MIS18A: variants seen among roughly 807,000 people sequenced by gnomAD.
MIS18A encodes the protein MIS18 kinetochore protein A, also known as protein Mis18-alpha.
MIS18A carries 14 observed loss-of-function variants against 25.0 expected under a neutral mutation model. The observed-to-expected ratio is 0.56, with a 90% CI of 0.37 to 0.88. The LOEUF is 0.88. MIS18A is among the 40% of genes least tolerant of loss of function. The pLI, the probability that MIS18A is intolerant of heterozygous loss-of-function variation, is 0.00. For synonymous variants in MIS18A, 134 were observed against 118.6 expected (o/e 1.13, Z -0.84); for missense variants, 292 against 290.8 (o/e 1.00, Z -0.03).
chr21:32,197,787 A>C, the MIS18A span: 22,829 of 152,140 alleles, frequency 0.15, 1,819 homozygotes, highest in East Asian at 0.24. Context: ...GAATTCTAGG[A>C]GGGCTCATTC....
At chr21:32,170,145 A>C in the MIS18A span, among the ~76,000 whole-genome samples, 3,737 of 152,200 alleles carry the variant, frequency 0.025, 188 homozygotes, top group African/African-American at 0.085. Context: ...CATCTCACCA[A>C]AAAGAAAATT....
At chr21:32,224,122 A>G in the MIS18A span, among the ~76,000 whole-genome samples, 1 of 151,888 alleles carries the variant, frequency 6.6e-6, no homozygotes, top group Non-Finnish European at 1.5e-5. Context: ...TTGATGGGAC[A>G]TATTTCAAAA....
chr21:32,252,242 G>GAGC, the MIS18A span, among the ~76,000 whole-genome samples: 1 of 37,544 alleles, frequency 2.7e-5, no homozygotes, highest in Non-Finnish European at 7.3e-5. Context: ...GAAGAAGAAG[G>GAGC]AGGAGGAGGA....
At chr21:32,205,930 C>G in the MIS18A span, among the ~76,000 whole-genome samples, 6 of 117,884 alleles carry the variant, frequency 5.1e-5, 1 homozygote, top group African/African-American at 1.1e-4. Flanking sequence ...TTTGAGAGAC[C>G]CCCCCCATTC....
At chr21:32,178,055 A>G in the MIS18A span, among the ~76,000 whole-genome samples, 2 of 151,952 alleles carry the variant, frequency 1.3e-5, no homozygotes, top group African/African-American at 4.8e-5. Context: ...GCTAGCTGAG[A>G]TCACATGAGC....
At chr21:32,192,762 A>C in the MIS18A span, among the ~76,000 whole-genome samples, 8 of 152,214 alleles carry the variant, frequency 5.3e-5, no homozygotes, top group South Asian at 8.3e-4. Context: ...AATCCAAACA[A>C]CCAAGCGTGG....
At chr21:32,258,530 C>G in the MIS18A span, among the ~76,000 whole-genome samples, 1 of 152,120 alleles carries the variant, frequency 6.6e-6, no homozygotes, top group Non-Finnish European at 1.5e-5. Context: ...TGAAATGCGG[C>G]CCCTTGTGGC....
the MIS18A span, among the ~76,000 whole-genome samples, chr21:32,240,991 C>A: frequency 6.6e-6 from 1 of 152,176 alleles, no homozygotes; most frequent in African/African-American, 2.4e-5. Flanking sequence ...AGAAATTTCT[C>A]TTTAAAGAAA....
the MIS18A span, among the ~76,000 whole-genome samples, chr21:32,161,913 AC>A: frequency 2.6e-5 from 4 of 151,970 alleles, no homozygotes; most frequent in Non-Finnish European, 5.9e-5. Context: ...CTAGGATAGA[AC>A]CCAGGACTCT....
chr21:32,199,661 A>T, the MIS18A span, among the ~76,000 whole-genome samples: 2 of 152,062 alleles, frequency 1.3e-5, no homozygotes, highest in Non-Finnish European at 2.9e-5. Context: ...TACAAAAATT[A>T]GCCAGGCATG....
the MIS18A span, among the ~76,000 whole-genome samples, chr21:32,212,128 G>T: frequency 2.0e-5 from 3 of 152,206 alleles, no homozygotes; most frequent in Non-Finnish European, 4.4e-5. Flanking sequence ...GGACAGAGGT[G>T]AGTTAAGTCA....
the MIS18A span, among the ~76,000 whole-genome samples, chr21:32,185,285 G>A: frequency 6.6e-6 from 1 of 152,088 alleles, no homozygotes; most frequent in African/African-American, 2.4e-5. Flanking sequence ...GGACTTAACT[G>A]ATTGGTTAGT....
chr21:32,270,295 T>A, intron 3 of MIS18A, 112 bp downstream of exon 3: 1 of 1,208,338 alleles, frequency 8.3e-7, no homozygotes, highest in Non-Finnish European at 1.1e-6. Flanking sequence ...TTGTTAGAAA[T>A]CATTACTTGA....
chr21:32,243,045 T>C, the MIS18A span, among the ~76,000 whole-genome samples: 3 of 152,196 alleles, frequency 2.0e-5, no homozygotes, highest in African/African-American at 7.2e-5. Context: ...TGTGGACTTA[T>C]TGGACATCCA....
At chr21:32,241,645 C>T in the MIS18A span, among the ~76,000 whole-genome samples, 13 of 152,212 alleles carry the variant, frequency 8.5e-5, no homozygotes, top group Admixed American at 7.2e-4. Flanking sequence ...AGAGAAGGAA[C>T]TAGGGCTTCT....
the MIS18A span, among the ~76,000 whole-genome samples, chr21:32,234,059 G>T: frequency 6.6e-6 from 1 of 152,156 alleles, no homozygotes; most frequent in Non-Finnish European, 1.5e-5. Context: ...GGAAATCTGA[G>T]TAAACTGTGG....
chr21:32,154,841 T>C, the MIS18A span, among the ~76,000 whole-genome samples: 1 of 152,132 alleles, frequency 6.6e-6, no homozygotes, highest in African/African-American at 2.4e-5. Context: ...CTAGGCCAGA[T>C]AGGAAGGGTT....
chr21:32,259,494 C>T, the MIS18A span, among the ~76,000 whole-genome samples: 1 of 152,180 alleles, frequency 6.6e-6, no homozygotes, highest in South Asian at 2.1e-4. Flanking sequence ...CCTTCCTAGC[C>T]TACTCTGGAC....
At chr21:32,242,330 G>T in the MIS18A span, among the ~76,000 whole-genome samples, 1 of 152,196 alleles carries the variant, frequency 6.6e-6, no homozygotes, top group Non-Finnish European at 1.5e-5. Context: ...GAAGGTGAAA[G>T]CCAGTGCCTG....
Sources: gnomAD v4.1 joint callset for allele counts (sites outside exome capture counted in the v4.1 genomes callset) on GRCh38, gnomAD v4.1.1 for gene constraint, MANE v1.5 for transcripts, NCBI Gene and HGNC (gene_info 2026-07-23, HGNC 2026-07-21) for gene names.